Variants in COLGALT2 observed in about 807,000 individuals in gnomAD.
COLGALT2 encodes the protein procollagen galactosyltransferase 2.
A neutral mutation model predicts 73.4 loss-of-function variants in COLGALT2; 49 were observed. The observed-to-expected ratio is 0.67, with a 90% confidence interval of 0.53 to 0.85. The LOEUF (loss-of-function observed/expected upper bound fraction) is 0.85. Ranked by LOEUF, COLGALT2 falls within the 40% of genes least tolerant of loss-of-function variation. COLGALT2 has a pLI of 0.00. For synonymous variants in COLGALT2, 295 were observed against 307.6 expected, an observed-to-expected ratio of 0.96 and a Z score of 0.43; for missense variants, 722 against 790.2, an observed-to-expected ratio of 0.91 and a Z score of 1.03.
At chr1:184,033,651 G>T (rs1363915976) in intron 1 of COLGALT2, among the ~76,000 whole-genome samples, 1 of 152,190 alleles carries the variant, frequency 6.6e-6, no homozygotes, top group Non-Finnish European at 1.5e-5. Context: ...GTATCTTCCA[G>T]GTCAATTTGA....
At chr1:183,932,829 C>T (rs1045099863), downstream of COLGALT2, among the ~76,000 whole-genome samples, 4 of 152,108 alleles carry the variant, frequency 2.6e-5, no homozygotes, top group East Asian at 1.9e-4. Context: ...GAGCTGGCAG[C>T]GATTCCCATG....
Position 183,969,249 on chromosome 1 carries a change from C to T in COLGALT2, c.832+20G>A. 3 of 1,590,824 alleles carry T rather than the reference C, an allele frequency of 1.9e-6. No individual in the cohort carries two copies. The highest frequency in any genetic ancestry group is 1.7e-6 in the Non-Finnish European group (2 of 1,167,082). On this transcript the variant is annotated intron_variant, in intron 5 of 11. Coordinates refer to ENST00000361927, the MANE Select transcript of COLGALT2 (RefSeq NM_015101.4). Reference sequence around the variant, plus strand: ...TTGCTGTGTCTCCATTGTGGCACTACAACCAAAGACAAACAGTACCTGCTT... The same window carrying T: ...TTGCTGTGTCTCCATTGTGGCACTATAACCAAAGACAAACAGTACCTGCTT...
At chr1:183,959,548 C>T (rs1670640555) in intron 6 of COLGALT2, among the ~76,000 whole-genome samples, 1 of 152,058 alleles carries the variant, frequency 6.6e-6, no homozygotes, top group Non-Finnish European at 1.5e-5. Context: ...TGCTCCACCA[C>T]CAAAATATAT....
chr1:183,969,190 T>TTA (rs11403375), intron 5 of COLGALT2, 79 bp downstream of exon 5: 14 of 1,277,514 alleles, frequency 1.1e-5, no homozygotes, highest in East Asian at 7.3e-5. Flanking sequence ...TTTTTTTTTT[T>TTA]AATAAAATGC....
At chr1:183,945,145 G>A (rs1670214594) in intron 9 of COLGALT2, among the ~76,000 whole-genome samples, 1 of 152,202 alleles carries the variant, frequency 6.6e-6, no homozygotes, top group African/African-American at 2.4e-5. Flanking sequence ...GTCATAATAG[G>A]TATAATAGAA....
downstream of COLGALT2, among the ~76,000 whole-genome samples, chr1:183,931,887 C>T (rs1017884121): frequency 2.0e-5 from 3 of 151,394 alleles, no homozygotes; most frequent in Non-Finnish European, 4.4e-5. Context: ...AATCAAGGCA[C>T]CAGTTTTGAA....
intron 7 of COLGALT2, among the ~76,000 whole-genome samples, chr1:183,953,054 C>T (rs964621810): frequency 2.0e-5 from 3 of 152,182 alleles, no homozygotes; most frequent in African/African-American, 7.2e-5. Flanking sequence ...AAAACAGAGA[C>T]CTCCAGTCTG....
Position 183,936,557 on chromosome 1 carries a change from C to G in COLGALT2, c.*2204G>C. ...AAATTCTCTATTAAACAAAACACCA[C>G]AAAAATCAACCCAAACTTCCTTCAA... On this transcript the variant is annotated 3_prime_UTR_variant, in exon 12 of 12. Coordinates refer to ENST00000361927, the MANE Select transcript of COLGALT2 (RefSeq NM_015101.4). 1 of 1,104,396 alleles carries G rather than the reference C, an allele frequency of 9.1e-7. No individual in the cohort carries two copies. The highest frequency in any genetic ancestry group is 5.2e-5 in the East Asian group (1 of 19,154). 68.4% of individuals were successfully genotyped at this position (1,104,396 alleles called of 1,614,324 possible).
intron 6 of COLGALT2, among the ~76,000 whole-genome samples, chr1:183,962,360 T>C (rs1424530417): frequency 6.6e-6 from 1 of 151,942 alleles, no homozygotes; most frequent in Non-Finnish European, 1.5e-5. Flanking sequence ...GGTTTCACCA[T>C]GTTGGCCAGG....
chr1:183,978,464 T>G lies in COLGALT2; in HGVS notation c.320A>C (p.Lys107Thr). The change falls in exon 2 of 12, where the codon AAA becomes ACA. Residue 107 changes from lysine to threonine, a missense_variant. Coordinates refer to ENST00000361927, the MANE Select transcript of COLGALT2 (RefSeq NM_015101.4). ...NTTEIFREWL[K>T]NVQRLYHYVE... ...ATAGTGATAGAGTCTCTGTACATTT[T>G]TCAACCACTCCCTGAATATTTCTGT... is the stretch of plus-strand genomic sequence containing the variant. 3.1e-6 allele frequency: 5 copies of G among 1,613,138 alleles called. No individual in the cohort carries two copies. Among genetic ancestry groups the G allele is most frequent in the Non-Finnish European group, 4.2e-6 (5 of 1,179,294 alleles).
At chr1:183,976,601 T>G (rs1222424335) in intron 2 of COLGALT2, among the ~76,000 whole-genome samples, 2 of 152,084 alleles carry the variant, frequency 1.3e-5, no homozygotes, top group African/African-American at 4.8e-5. Context: ...TTAAATACAT[T>G]TATTCTTGTT....
rs200029522 is a variant in COLGALT2, at chr1:184,037,265, G to A, written c.93C>T (p.Ala31=). The A allele has an allele frequency of 1.6e-4, 245 of 1,566,052 alleles. No individual in the cohort carries two copies. Among genetic ancestry groups the A allele is most frequent in the Middle Eastern group, 3.9e-4 (2 of 5,182 alleles). The change falls in exon 1 of 12, where the codon GCC becomes GCT. Residue 31 remains alanine, a synonymous_variant. Transcript: ENST00000361927. ...LREGCRARFV[A]ERDSEDDGEE... The stretch of plus-strand genomic sequence containing the variant: ...CTCCGTCGTCCTCCGAGTCCCGCTC[G>A]GCGACGAAGCGCGCTCGGCAGCCTT...
intron 1 of COLGALT2, among the ~76,000 whole-genome samples, chr1:184,011,342 A>G (rs1648770566): frequency 6.6e-6 from 1 of 152,216 alleles, no homozygotes; most frequent in Admixed American, 6.5e-5. Context: ...ATTCTCCAAC[A>G]TAGTTGTCTG....
chr1:184,027,788 A>C (rs1649374181), intron 1 of COLGALT2, among the ~76,000 whole-genome samples: 1 of 152,200 alleles, frequency 6.6e-6, no homozygotes, highest in African/African-American at 2.4e-5. Context: ...GTACCCAATA[A>C]ATTTTATTAA....
At chr1:184,028,334 C>T (rs1365336887) in intron 1 of COLGALT2, among the ~76,000 whole-genome samples, 3 of 152,110 alleles carry the variant, frequency 2.0e-5, no homozygotes, top group African/African-American at 4.8e-5. Context: ...GGGAGAACAC[C>T]AATCAATGTA....
chr1:184,004,266 G>A (rs903006658), intron 1 of COLGALT2, among the ~76,000 whole-genome samples: 6 of 152,148 alleles, frequency 3.9e-5, no homozygotes, highest in African/African-American at 1.2e-4. Flanking sequence ...CAAGAAAGCA[G>A]CACAACTTTG....
intron 5 of COLGALT2, among the ~76,000 whole-genome samples, chr1:183,965,065 G>T (rs937188072): frequency 6.6e-6 from 1 of 152,196 alleles, no homozygotes; most frequent in South Asian, 2.1e-4. Flanking sequence ...AAGGAGAAAA[G>T]AAAATAACCT....
At chr1:184,021,197 T>C (rs1649172136) in intron 1 of COLGALT2, among the ~76,000 whole-genome samples, 2 of 152,286 alleles carry the variant, frequency 1.3e-5, no homozygotes, top group African/African-American at 4.8e-5. Flanking sequence ...CAAAACCTTG[T>C]ATTTTTATAC....
intron 5 of COLGALT2, among the ~76,000 whole-genome samples, chr1:183,967,495 G>A (rs184778220): frequency 1.5e-3 from 226 of 152,280 alleles, no homozygotes; most frequent in African/African-American, 5.2e-3. Context: ...AAATCCTGGT[G>A]AACAGGCCAA....
Sources: gnomAD v4.1 joint callset for allele counts (sites outside exome capture counted in the v4.1 genomes callset) on GRCh38, gnomAD v4.1.1 for gene constraint, MANE v1.5 for transcripts, NCBI Gene and HGNC (gene_info 2026-07-23, HGNC 2026-07-21) for gene names.